The following SLC26A3 variants were observed in gnomAD, a reference collection of about 807,000 sequenced individuals.
The protein encoded by SLC26A3 is solute carrier family 26 member 3.
Under a neutral mutation model 85.6 loss-of-function variants are expected in SLC26A3, and 64 were observed. The observed-to-expected ratio is 0.75, with a 90% CI of 0.61 to 0.92. SLC26A3 has a LOEUF of 0.92. Ranked by LOEUF, SLC26A3 falls within the 40% of genes least tolerant of loss-of-function variation. The pLI is 0.00. For synonymous variants in SLC26A3, 349 were observed against 336.0 expected (o/e 1.04, Z -0.42); for missense variants, 922 against 927.3 (o/e 0.99, Z 0.07).
intron 1 of SLC26A3, 44 bp downstream of exon 1, chr7:107,803,067 C>A (rs933153452): frequency 1.3e-5 from 2 of 152,250 alleles, no homozygotes; most frequent in Non-Finnish European, 2.9e-5. Context: ...TTTCAAGGAA[C>A]AGAAAACCAG....
At chr7:107,795,749 C>T (rs571494060) in intron 1 of SLC26A3, among the ~76,000 whole-genome samples, 3 of 152,236 alleles carry the variant, frequency 2.0e-5, no homozygotes, top group South Asian at 4.1e-4. Flanking sequence ...TAATCTTGTT[C>T]TGTATTACTA....
intron 1 of SLC26A3, among the ~76,000 whole-genome samples, chr7:107,798,970 C>G (rs1794557103): frequency 6.6e-6 from 1 of 152,136 alleles, no homozygotes; most frequent in African/African-American, 2.4e-5. Context: ...CTCCAGTGAG[C>G]ACCTTCAGAG....
At chr7:107,790,610 C>T (rs1389764193) in intron 5 of SLC26A3, among the ~76,000 whole-genome samples, 2 of 152,130 alleles carry the variant, frequency 1.3e-5, no homozygotes, top group Non-Finnish European at 2.9e-5. Context: ...TTGACATGAA[C>T]AGTTCAAAGC....
chr7:107,768,237 T>A (rs189775966), intron 18 of SLC26A3, among the ~76,000 whole-genome samples: 3 of 152,364 alleles, frequency 2.0e-5, no homozygotes, highest in Non-Finnish European at 4.4e-5. Context: ...GATTAGAGTA[T>A]CAAGTGTGGC....
chr7:107,775,005 A>G, intron 15 of SLC26A3, 133 bp from the exon 16 acceptor site: 1 of 768,190 alleles, frequency 1.3e-6, no homozygotes, highest in East Asian at 2.7e-5. Flanking sequence ...AAAATTTAAA[A>G]GTGGTTTAAA....
chr7:107,774,003 G>C lies in SLC26A3; in HGVS notation c.1924C>G (p.Pro642Ala). The change falls in exon 17 of 21, where the codon CCC becomes GCC. Residue 642 changes from proline (P) to alanine (A), a missense_variant. Coordinates refer to ENST00000340010, the MANE Select transcript of SLC26A3 (RefSeq NM_000111.3). ...ATGAGGCTGTGGAGGCTGATTTTGG[G>C]GACCTCAATGTTGAGAGGAAGATCA... ...NDDLPLNIEV[P>A]KISLHSLILD... 6.2e-7 allele frequency: 1 copy of C among 1,614,176 alleles called. No homozygotes were observed. The highest frequency in any genetic ancestry group is 8.5e-7 in the Non-Finnish European group (1 of 1,180,020).
chr7:107,767,301 G>C (rs898356718), intron 20 of SLC26A3, among the ~76,000 whole-genome samples: 1 of 152,188 alleles, frequency 6.6e-6, no homozygotes, highest in Non-Finnish European at 1.5e-5. Context: ...GAGCATTGTT[G>C]TAAGTGGTTT....
intron 1 of SLC26A3, among the ~76,000 whole-genome samples, chr7:107,801,522 G>C (rs536162482): frequency 6.6e-6 from 1 of 152,278 alleles, no homozygotes; most frequent in African/African-American, 2.4e-5. Context: ...CTTCTCTTTG[G>C]AGAATCAAAG....
intron 17 of SLC26A3, 25 bp from the exon 18 acceptor site, chr7:107,772,133 C>T: frequency 7.4e-7 from 1 of 1,347,332 alleles, no homozygotes; most frequent in Non-Finnish European, 1.1e-6. Flanking sequence ...AGTATATCTT[C>T]CTTAGGGAAC....
intron 20 of SLC26A3, among the ~76,000 whole-genome samples, chr7:107,767,170 C>CT (rs1328934715): frequency 2.6e-5 from 4 of 152,146 alleles, no homozygotes; most frequent in Non-Finnish European, 5.9e-5. Context: ...GTGCTAGGGA[C>CT]TTCTCAAGCA....
At chr7:107,790,936 A>G (rs1584411007) in intron 5 of SLC26A3, 112 bp downstream of exon 5, 2 of 1,168,522 alleles carry the variant, frequency 1.7e-6, no homozygotes, top group East Asian at 5.1e-5. Context: ...TGAGGGAGAG[A>G]CAAACCAAAG....
intron 3 of SLC26A3, 131 bp downstream of exon 3, chr7:107,793,611 G>A: frequency 1.4e-6 from 1 of 693,592 alleles, no homozygotes; most frequent in South Asian, 1.9e-5. Flanking sequence ...GGTTGGTGGT[G>A]GTGAAAATGT....
chr7:107,770,909 C>A (rs1794019851), intron 18 of SLC26A3, among the ~76,000 whole-genome samples: 1 of 152,182 alleles, frequency 6.6e-6, no homozygotes, highest in Non-Finnish European at 1.5e-5. Context: ...AGACCCGGTG[C>A]TCTGCCTGGG....
At position 107,776,342 on chromosome 7, in the gene SLC26A3, C is replaced by G. The variant is rs116517039; in HGVS notation, c.1677+110G>C. 3.3e-6 allele frequency: 3 copies of G among 912,320 alleles called. No homozygotes were observed. In the South Asian group the frequency reaches 4.0e-5, roughly 12 times the overall value. The allele number at this position is 912,320 out of a possible 1,614,324, so 56.5% of individuals were successfully genotyped here. A position where few individuals can be genotyped will look rare whatever the true frequency, so the allele number is the denominator to read the frequency against. The stretch of plus-strand genomic sequence containing the variant: ...GACAAAAAATACTGACACAACCCCA[C>G]CTCAACATATGTGACACAACCCAGT... On this transcript the variant is annotated intron_variant, in intron 15 of 20. Coordinates refer to ENST00000340010, the MANE Select transcript of SLC26A3 (RefSeq NM_000111.3).
chr7:107,790,761 A>G (rs1239503478), intron 5 of SLC26A3, among the ~76,000 whole-genome samples: 1 of 152,038 alleles, frequency 6.6e-6, no homozygotes, highest in Non-Finnish European at 1.5e-5. Flanking sequence ...GACTCTATCA[A>G]TTCCCAGATA....
At position 107,786,869 on chromosome 7, in the gene SLC26A3, T is replaced by C; in HGVS notation, c.929A>G (p.Lys310Arg). Residue 310 changes from lysine (K) to arginine (R), a missense_variant, in exon 8 of 21, where the codon AAA becomes AGA. Transcript: ENST00000340010. ...AACCACAGCCACTTTAAACCTGTTTTTAAAGTCACAGCCGTAGGATACACC... is the reference window on the plus strand; with the variant it reads ...AACCACAGCCACTTTAAACCTGTTTCTAAAGTCACAGCCGTAGGATACACC... ...AAGVSYGCDFKNRFKVAVVGD... is the reference protein window; with the variant it reads ...AAGVSYGCDFRNRFKVAVVGD... The C allele has an allele frequency of 6.2e-7, 1 of 1,614,150 alleles. No homozygotes were observed. Among genetic ancestry groups the C allele is most frequent in the Non-Finnish European group, 8.5e-7 (1 of 1,180,026 alleles).
chr7:107,779,309 A>C (rs1054662245), intron 12 of SLC26A3, among the ~76,000 whole-genome samples: 1 of 152,188 alleles, frequency 6.6e-6, no homozygotes, highest in Non-Finnish European at 1.5e-5. Context: ...AGATTCGTGG[A>C]AACAAAAACA....
chr7:107,799,543 A>G (rs551463503), intron 1 of SLC26A3, among the ~76,000 whole-genome samples: 1 of 152,166 alleles, frequency 6.6e-6, no homozygotes, highest in South Asian at 2.1e-4. Flanking sequence ...GGCACCCGTT[A>G]CCATGCCCAG....
At chr7:107,768,002 T>C in intron 18 of SLC26A3, 94 bp from the exon 19 acceptor site, 1 of 1,135,390 alleles carries the variant, frequency 8.8e-7, no homozygotes, top group South Asian at 1.3e-5. Flanking sequence ...CATTTGCAAA[T>C]GTGCGTTTCA....
Sources: allele counts gnomAD v4.1 joint callset (sites outside exome capture counted in the v4.1 genomes callset), GRCh38; gene constraint gnomAD v4.1.1; transcripts MANE v1.5; gene names NCBI Gene and HGNC (gene_info 2026-07-23, HGNC 2026-07-21).